RUNX1: variants seen among roughly 807,000 people sequenced by gnomAD.
RUNX1 encodes the protein RUNX family transcription factor 1.
A neutral mutation model predicts 42.8 loss-of-function variants in RUNX1; 19 were observed. The observed-to-expected ratio is 0.44, with a 90% CI of 0.31 to 0.65. The LOEUF is 0.65. Ranked by LOEUF, RUNX1 falls within the 30% of genes least tolerant of loss-of-function variation. RUNX1 has a pLI of 0.07. For synonymous variants in RUNX1, 271 were observed against 289.4 expected, an observed-to-expected ratio of 0.94 and a Z score of 0.64; for missense variants, 528 against 672.0, an observed-to-expected ratio of 0.79 and a Z score of 2.37.
In RUNX1 at chr21:34,880,624, A is replaced by G. The variant is rs778012300; in HGVS notation, c.441T>C (p.Ala147=). Residue 147 remains alanine, a synonymous_variant, in exon 5 of 9, where the codon GCT becomes GCC. Coordinates refer to ENST00000675419, the MANE Select transcript of RUNX1 (RefSeq NM_001754.5). ...DENYSAELRN[A]TAAMKNQVAR... ...CAACCTGGTTCTTCATGGCTGCGGT[A>G]GCATTTCTCAGCTCAGCCGAGTAGT... is the stretch of plus-strand genomic sequence containing the variant. The G allele has an allele frequency of 6.2e-7, 1 of 1,614,124 alleles. No individual in the cohort carries two copies. The highest frequency in any genetic ancestry group is 1.1e-5 in the South Asian group (1 of 91,086).
intron 6 of RUNX1, among the ~76,000 whole-genome samples, chr21:34,853,813 T>C (rs1361600655): frequency 1.2e-4 from 13 of 112,896 alleles, no homozygotes; most frequent in African/African-American, 3.4e-4. Flanking sequence ...CTTCCTTCCT[T>C]CATTTTTTTT....
rs866500674 is a variant in RUNX1 at position 34,878,362 on chromosome 21, T to A, written c.508+2195A>T. ...CGCTGACTAAAAAAAAAAAAAAAAA[T>A]ATATATATATATATACACACACACA... On this transcript the variant is annotated intron_variant, in intron 5 of 8. Transcript: ENST00000675419. Among the ~76,000 whole-genome samples, 670 of 139,836 alleles carry A rather than the reference T, an allele frequency of 4.8e-3. 3 individuals carry two copies. The highest frequency in any genetic ancestry group is 7.5e-3 in the East Asian group (37 of 4,912). The allele number at this position is 139,836 out of a possible 152,430, so 91.7% of individuals were successfully genotyped here.
chr21:34,930,270 G>GTGTGTGTGTATA (rs372412304), intron 2 of RUNX1, among the ~76,000 whole-genome samples: 4 of 123,036 alleles, frequency 3.3e-5, no homozygotes, highest in African/African-American at 1.5e-4. Context: ...GTGTGTGTAT[G>GTGTGTGTGTATA]TATATATATA....
rs371598377 is a variant in RUNX1 at position 34,875,510 on chromosome 21, G to A, written c.508+5047C>T. 1.3e-4 allele frequency among the ~76,000 whole-genome samples: 17 copies of A among 131,108 alleles called. No homozygotes were observed. In the South Asian group the frequency reaches 4.0e-3, roughly 30 times the overall value. The allele number at this position is 131,108 out of a possible 152,430, so 86.0% of individuals were successfully genotyped here. On this transcript the variant is annotated intron_variant, in intron 5 of 8. Transcript: ENST00000675419. ...GATCAGTATGTAACAGAAGAAAGTG[G>A]GAAAATGGGAGAGTTGATTTTAATA...
At position 34,792,495 on chromosome 21, in the gene RUNX1, G is replaced by C. The variant is rs1177939138; in HGVS notation, c.1083C>G (p.Thr361=). Reference sequence around the variant, plus strand: ...CCGACATGCCGATGCCGATGCCCGAGGTGACCGGCGTCGGGGAGTAGGTGA... The same window carrying C: ...CCGACATGCCGATGCCGATGCCCGACGTGACCGGCGTCGGGGAGTAGGTGA... The part of the protein sequence containing the change: ...GAFTYSPTPV[T]SGIGIGMSAM... The change falls in exon 9 of 9, where the codon ACC becomes ACG. Residue 361 remains threonine, a synonymous_variant. Coordinates refer to ENST00000675419, the MANE Select transcript of RUNX1 (RefSeq NM_001754.5). The surrounding 1 kb of genome is among the most constrained non-coding windows in gnomAD (Gnocchi z 6.9). 1 of 1,596,574 alleles carries C rather than the reference G, an allele frequency of 6.3e-7. No homozygotes were observed. Among genetic ancestry groups the C allele is most frequent in the Non-Finnish European group, 8.5e-7 (1 of 1,171,646 alleles).
chr21:34,795,073 A>G (rs2056506433), intron 8 of RUNX1, among the ~76,000 whole-genome samples: 1 of 152,228 alleles, frequency 6.6e-6, no homozygotes, highest in Non-Finnish European at 1.5e-5. Context: ...ACAGACAGCA[A>G]CAAACAGTAG....
intron 2 of RUNX1, among the ~76,000 whole-genome samples, chr21:34,918,065 T>C (rs1031062828): frequency 6.7e-6 from 1 of 148,602 alleles, no homozygotes; most frequent in Non-Finnish European, 1.5e-5. Context: ...GAGGCGGAGA[T>C]TGCAGTGAGC....
At chr21:35,022,167 T>C (rs1035278687) in intron 2 of RUNX1, among the ~76,000 whole-genome samples, 1 of 152,166 alleles carries the variant, frequency 6.6e-6, no homozygotes, top group African/African-American at 2.4e-5. Flanking sequence ...AGGAGCTGAT[T>C]GGCGGTTCCG....
chr21:34,972,745 G>C (rs2058771791), intron 2 of RUNX1, among the ~76,000 whole-genome samples: 1 of 152,182 alleles, frequency 6.6e-6, no homozygotes. Context: ...CAAAGAATGA[G>C]ATTGGTGGTG....
intron 2 of RUNX1, chr21:35,038,327 G>C: frequency 3.0e-6 from 1 of 328,312 alleles, no homozygotes; most frequent in Non-Finnish European, 6.0e-6. Flanking sequence ...AAGGCAACTC[G>C]TAGAAGAAGC....
In RUNX1 at chr21:34,849,266, A is replaced by G. The variant is rs1483657421; in HGVS notation, c.613+10208T>C. 1.5e-4 allele frequency among the ~76,000 whole-genome samples: 11 copies of G among 72,344 alleles called. No homozygotes were observed. The Admixed American group carries it at 3.0e-3, about 20-fold the overall frequency. 47.5% of individuals were successfully genotyped at this position (72,344 alleles called of 152,430 possible). The stretch of plus-strand genomic sequence containing the variant: ...TTGCTTTGGGTACATATATATATAT[A>G]TAATATATATATAATATATATTATA... On this transcript the variant is annotated intron_variant, in intron 6 of 8. Transcript: ENST00000675419.
At chr21:34,799,172 G>T (rs2056572591) in intron 8 of RUNX1, 129 bp downstream of exon 8, 3 of 969,476 alleles carry the variant, frequency 3.1e-6, no homozygotes, top group Admixed American at 3.7e-5. Flanking sequence ...ATGGGACTCA[G>T]AGTAGAGATA....
intron 7 of RUNX1, among the ~76,000 whole-genome samples, chr21:34,825,294 C>A (rs2056970667): frequency 6.6e-6 from 1 of 152,192 alleles, no homozygotes; most frequent in African/African-American, 2.4e-5. Flanking sequence ...GAGGCTAGGA[C>A]AAGAGGCACC....
intron 2 of RUNX1, among the ~76,000 whole-genome samples, chr21:34,965,308 CAGAAA>C (rs1330530263): frequency 1.3e-5 from 2 of 152,114 alleles, no homozygotes; most frequent in African/African-American, 4.8e-5. Context: ...TCCAAATTTT[CAGAAA>C]GCAGTAACAG....
chr21:34,987,640 G>C (rs2058901249), intron 2 of RUNX1, among the ~76,000 whole-genome samples: 1 of 152,008 alleles, frequency 6.6e-6, no homozygotes, highest in South Asian at 2.1e-4. Flanking sequence ...TTTGAAGTCT[G>C]ACATCGCTAA....
chr21:34,882,517 T>C (rs1160871437), intron 4 of RUNX1, among the ~76,000 whole-genome samples: 1 of 152,172 alleles, frequency 6.6e-6, no homozygotes, highest in Non-Finnish European at 1.5e-5. Context: ...ATATAGGAGA[T>C]TTTAAAACTC....
intron 2 of RUNX1, among the ~76,000 whole-genome samples, chr21:34,921,747 T>C (rs34872427): frequency 0.36 from 54,463 of 152,000 alleles, 10,378 homozygotes; most frequent in South Asian, 0.47. Context: ...TTCTCCTACC[T>C]CAGCCTCCCT....
intron 2 of RUNX1, among the ~76,000 whole-genome samples, chr21:35,019,787 C>T (rs1363540449): frequency 6.6e-6 from 1 of 152,170 alleles, no homozygotes; most frequent in African/African-American, 2.4e-5. Flanking sequence ...ATCGCCAGAA[C>T]AAGGGGACAA....
chr21:34,952,076 G>A (rs1157603730), intron 2 of RUNX1, among the ~76,000 whole-genome samples: 1 of 152,186 alleles, frequency 6.6e-6, no homozygotes, highest in Non-Finnish European at 1.5e-5. Flanking sequence ...GTCCTTTGCA[G>A]GGACATGGAT....
Sources: allele counts gnomAD v4.1 joint callset (sites outside exome capture counted in the v4.1 genomes callset), GRCh38; gene constraint gnomAD v4.1.1; non-coding constraint Gnocchi (gnomAD v3.1); transcripts MANE v1.5; gene names NCBI Gene and HGNC (gene_info 2026-07-23, HGNC 2026-07-21).